TICRR: variants seen among roughly 807,000 people sequenced by gnomAD.
The protein encoded by TICRR is treslin.
A neutral mutation model predicts 178.1 loss-of-function variants in TICRR; 132 were observed. That is an observed-to-expected ratio of 0.74 (90% CI 0.64 to 0.86). The LOEUF is 0.86. Among genes scored for constraint, TICRR ranks in the 40% least tolerant of loss-of-function variants. TICRR has a pLI of 0.00. For missense variants in TICRR, 2,587 were observed against 2,334.3 expected, an observed-to-expected ratio of 1.11 and a Z score of -2.23; for synonymous variants, 991 against 900.7, an observed-to-expected ratio of 1.10 and a Z score of -1.79.
Position 89,624,231 on chromosome 15 carries a change from G to T in TICRR, c.3921G>T (p.Thr1307=), listed in dbSNP as rs1161400448. The T allele has an allele frequency of 3.7e-6, 6 of 1,613,988 alleles. No homozygotes were observed. Among genetic ancestry groups the T allele is most frequent in the Non-Finnish European group, 5.1e-6 (6 of 1,180,034 alleles). ...CTGTGACTTCTTCCCCACCTGTTAC[G>T]CCAAAGAAACTGTTTACCTCTCCTT... ...NSTVTSSPPV[T]PKKLFTSPLC... Residue 1307 remains threonine, a synonymous_variant, in exon 20 of 22, where the codon ACG becomes ACT. Coordinates refer to ENST00000268138, the MANE Select transcript of TICRR (RefSeq NM_152259.4).
chr15:89,597,808 A>G (rs1231633203), intron 7 of TICRR, among the ~76,000 whole-genome samples: 1 of 152,334 alleles, frequency 6.6e-6, no homozygotes, highest in South Asian at 2.1e-4. Context: ...CATAGAATCT[A>G]TAGATCAAAT....
At chr15:89,614,300 A>G (rs975200756) in intron 15 of TICRR, among the ~76,000 whole-genome samples, 1 of 150,604 alleles carries the variant, frequency 6.6e-6, no homozygotes, top group Non-Finnish European at 1.5e-5. Context: ...ATGACTCATA[A>G]TTTTGTTGAC....
In TICRR at chr15:89,575,701, G is replaced by A; in HGVS notation, c.115G>A (p.Gly39Ser). The change falls in exon 1 of 22, where the codon GGC (glycine) becomes AGC (serine). Residue 39 changes from glycine (G) to serine (S), a missense_variant. Gly to Ser is a moderately conservative substitution (Grantham distance 56, BLOSUM62 0). Coordinates refer to ENST00000268138, the MANE Select transcript of TICRR (RefSeq NM_152259.4). ...CCTCACCTATCTGAGTTGCCGATTC[G>A]GCCTGGCCAGGGTCCACTGGGCCTT... Reference protein sequence around the residue: ...RLLTYLSCRFGLARVHWAFKF... With the variant: ...RLLTYLSCRFSLARVHWAFKF... 2 of 1,606,914 alleles carry A rather than the reference G, an allele frequency of 1.2e-6. No homozygotes were observed. The highest frequency in any genetic ancestry group is 1.7e-6 in the Non-Finnish European group (2 of 1,178,032).
chr15:89,576,966 C>T (rs1169192155), intron 1 of TICRR, among the ~76,000 whole-genome samples: 1 of 151,346 alleles, frequency 6.6e-6, no homozygotes, highest in Non-Finnish European at 1.5e-5. Context: ...TGCAGTGGCT[C>T]ACTGCAACCT....
chr15:89,616,219 C>T (rs1197052884), intron 15 of TICRR, among the ~76,000 whole-genome samples, 186 bp from the exon 16 acceptor site: 1 of 152,138 alleles, frequency 6.6e-6, no homozygotes, highest in African/African-American at 2.4e-5. Flanking sequence ...TTTTTAATCT[C>T]TAATAGTGCT....
intron 13 of TICRR, among the ~76,000 whole-genome samples, chr15:89,605,739 C>T (rs369038525): frequency 5.3e-5 from 8 of 152,284 alleles, no homozygotes; most frequent in South Asian, 4.1e-4. Context: ...GATCACATCT[C>T]ATGTCTTATC....
intron 4 of TICRR, among the ~76,000 whole-genome samples, chr15:89,588,736 T>C (rs1962862265): frequency 6.6e-6 from 1 of 152,078 alleles, no homozygotes; most frequent in Non-Finnish European, 1.5e-5. Context: ...GCATCAAATG[T>C]GTGTATGGAA....
chr15:89,615,155 GTAACATT>G (rs1384968917), intron 15 of TICRR, among the ~76,000 whole-genome samples: 1 of 152,232 alleles, frequency 6.6e-6, no homozygotes, highest in Non-Finnish European at 1.5e-5. Context: ...TCAGGCAGCT[GTAACATT>G]TAACAATTGC....
intron 15 of TICRR, among the ~76,000 whole-genome samples, chr15:89,611,454 T>G (rs1232051598): frequency 6.6e-6 from 1 of 152,208 alleles, no homozygotes; most frequent in Non-Finnish European, 1.5e-5. Flanking sequence ...TGTCTCAGTG[T>G]GAATCTCTTA....
In TICRR at chr15:89,624,661, G is replaced by A; in HGVS notation, c.4351G>A (p.Ala1451Thr). ...PGPGLRSDWH[A>T]SSPLLITSDT... ...CCCTGGTCTCAGGAGTGATTGGCAT[G>A]CATCCTCTCCTCTGCTCATTACAAG... is the stretch of plus-strand genomic sequence containing the variant. The change falls in exon 20 of 22, where the codon GCA (alanine) becomes ACA (threonine). Residue 1451 changes from alanine to threonine, a missense_variant. Coordinates refer to ENST00000268138, the MANE Select transcript of TICRR (RefSeq NM_152259.4). 6.2e-7 allele frequency: 1 copy of A among 1,614,042 alleles called. No individual in the cohort carries two copies. Among genetic ancestry groups the A allele is most frequent in the Non-Finnish European group, 8.5e-7 (1 of 1,180,022 alleles).
At chr15:89,617,113 C>G (rs1567050193) in intron 16 of TICRR, among the ~76,000 whole-genome samples, 1 of 152,158 alleles carries the variant, frequency 6.6e-6, no homozygotes, top group Non-Finnish European at 1.5e-5. Flanking sequence ...AGCCAGGCTG[C>G]CTTCTTCTCT....
chr15:89,623,682 C>G lies in TICRR; in HGVS notation c.3372C>G (p.Ile1124Met), dbSNP rs1567052603. ...LSFSKTTPRR[I>M]SHTPQTPLYT... The stretch of plus-strand genomic sequence containing the variant: ...TTTCTAAAACTACACCAAGAAGGAT[C>G]TCTCATACACCACAAACTCCGTTGT... Residue 1124 changes from isoleucine to methionine, a missense_variant, in exon 20 of 22, where the codon ATC (isoleucine) becomes ATG (methionine). Physicochemically the swap from Ile to Met is conservative, Grantham distance 10 (BLOSUM62 1). Coordinates refer to ENST00000268138, the MANE Select transcript of TICRR (RefSeq NM_152259.4). 6.2e-7 allele frequency: 1 copy of G among 1,613,016 alleles called. No individual in the cohort carries two copies. The highest frequency in any genetic ancestry group is 8.5e-7 in the Non-Finnish European group (1 of 1,179,684).
At position 89,581,059 on chromosome 15, in the gene TICRR, A is replaced by C. The variant is rs535035824; in HGVS notation, c.655-1627A>C. Among the ~76,000 whole-genome samples the C allele has an allele frequency of 2.0e-5, 3 of 152,316 alleles. No homozygotes were observed. In the East Asian group the frequency reaches 5.8e-4, roughly 29 times the overall value. ...TCAAAAAATAAAAATAAATGAAAGC[A>C]GTCTATTCAGAACAGTCCTGGGTTC... On this transcript the variant is annotated intron_variant, in intron 1 of 21. Transcript: ENST00000268138.
Position 89,624,498 on chromosome 15 carries a change from G to A in TICRR, c.4188G>A (p.Val1396=), listed in dbSNP as rs1567053217. The A allele has an allele frequency of 5.6e-6, 9 of 1,614,014 alleles. No individual in the cohort carries two copies. Among genetic ancestry groups the A allele is most frequent in the Middle Eastern group, 1.6e-4 (1 of 6,084 alleles). ...RKTSDPRRSI[V]ECQPDASATP... ...CCTCTGATCCCAGAAGGAGCATCGT[G>A]GAGTGTCAGCCTGATGCCTCCGCTA... Residue 1396 remains valine, a synonymous_variant, in exon 20 of 22, where the codon GTG becomes GTA. Coordinates refer to ENST00000268138, the MANE Select transcript of TICRR (RefSeq NM_152259.4).
chr15:89,602,259 T>C (rs1033565168), intron 12 of TICRR, among the ~76,000 whole-genome samples: 1 of 152,244 alleles, frequency 6.6e-6, no homozygotes. Flanking sequence ...AGAGTGTGCC[T>C]ACCAAAACCT....
Position 89,625,344 on chromosome 15 carries a change from TC to T in TICRR, c.5036del (p.Pro1679GlnfsTer3). The T allele has an allele frequency of 6.2e-7, 1 of 1,613,774 alleles. No individual in the cohort carries two copies. Among genetic ancestry groups the T allele is most frequent in the Non-Finnish European group, 8.5e-7 (1 of 1,179,956 alleles). ...CCCCCAAGCACAGTGGGAAGACAAC[TC>T]CAGACATAATTAAAGACTGGCCCAG... ...PSPKHSGKTT[P>X]DIIKDWPRRK... On this transcript the variant is annotated frameshift_variant, in exon 20 of 22. Coordinates refer to ENST00000268138, the MANE Select transcript of TICRR (RefSeq NM_152259.4). LOFTEE classifies it high-confidence loss of function.
intron 8 of TICRR, among the ~76,000 whole-genome samples, 180 bp from the exon 9 acceptor site, chr15:89,600,405 A>G (rs1963073890): frequency 6.6e-6 from 1 of 152,230 alleles, no homozygotes; most frequent in Non-Finnish European, 1.5e-5. Flanking sequence ...AGCTCTCAAA[A>G]TAACTTTTAC....
At chr15:89,579,285 A>T (rs1289821116) in intron 1 of TICRR, among the ~76,000 whole-genome samples, 2 of 152,204 alleles carry the variant, frequency 1.3e-5, no homozygotes, top group Non-Finnish European at 2.9e-5. Flanking sequence ...TCTGTCACTT[A>T]TCCTATAATA....
chr15:89,613,319 C>T (rs1045565677), intron 15 of TICRR, among the ~76,000 whole-genome samples: 8 of 152,220 alleles, frequency 5.3e-5, no homozygotes, highest in African/African-American at 1.9e-4. Flanking sequence ...AGGATCTGTA[C>T]ACGATGAATA....
Sources: allele counts gnomAD v4.1 joint callset (sites outside exome capture counted in the v4.1 genomes callset), GRCh38; gene constraint gnomAD v4.1.1; transcripts MANE v1.5; gene names NCBI Gene and HGNC (gene_info 2026-07-23, HGNC 2026-07-21).